The following PRTG variants were observed in gnomAD, a reference collection of about 807,000 sequenced individuals.
PRTG encodes protogenin, also known as immunoglobulin superfamily, DCC subclass, member 5.
Under a neutral mutation model 122.5 loss-of-function variants are expected in PRTG, and 67 were observed. The ratio of observed to expected loss-of-function variants is 0.55; its 90% CI spans 0.45 to 0.67. The LOEUF is 0.67. PRTG is among the 30% of genes least tolerant of loss of function. PRTG has a pLI of 0.00. For synonymous variants in PRTG, 554 were observed against 501.1 expected (o/e 1.11, Z -1.41); for missense variants, 1,435 against 1,415.4 (o/e 1.01, Z -0.22).
intron 11 of PRTG, among the ~76,000 whole-genome samples, chr15:55,652,323 G>A (rs1048490287): frequency 4.6e-5 from 7 of 152,128 alleles, no homozygotes; most frequent in African/African-American, 1.7e-4. Flanking sequence ...GAATAAGTAG[G>A]TAGGAAATGA....
chr15:55,629,897 A>G (rs539954866), intron 15 of PRTG, among the ~76,000 whole-genome samples: 161 of 146,866 alleles, frequency 1.1e-3, no homozygotes, highest in African/African-American at 3.9e-3. Flanking sequence ...GGCTCACTAT[A>G]ACCTCCACCT....
Position 55,626,017 on chromosome 15 carries a change from G to C in PRTG, c.2927+991C>G, listed in dbSNP as rs763485897. On this transcript the variant is annotated intron_variant, in intron 17 of 19. Coordinates refer to ENST00000389286, the MANE Select transcript of PRTG (RefSeq NM_173814.6). ...ATCCTCCCACCTTGACTTCCCAAAG[G>C]TCTGGGATTACCAAGGTGTGATACC... 6.4e-4 allele frequency among the ~76,000 whole-genome samples: 97 copies of C among 152,228 alleles called. No homozygotes were observed. In the Middle Eastern group the frequency reaches 0.014, roughly 21 times the overall value.
chr15:55,635,052 G>A (rs1427854754), intron 15 of PRTG, among the ~76,000 whole-genome samples: 1 of 130,448 alleles, frequency 7.7e-6, no homozygotes, highest in Non-Finnish European at 1.7e-5. Flanking sequence ...CCTGACTGGG[G>A]AGCCCTCTGT....
chr15:55,664,221 A>T (rs1319344089), intron 11 of PRTG, among the ~76,000 whole-genome samples: 3 of 151,816 alleles, frequency 2.0e-5, no homozygotes, highest in Non-Finnish European at 4.4e-5. Flanking sequence ...AGCTTACTGC[A>T]ACCTCCGCCC....
chr15:55,648,650 T>A (rs1450441064), intron 11 of PRTG, among the ~76,000 whole-genome samples: 1 of 152,178 alleles, frequency 6.6e-6, no homozygotes, highest in African/African-American at 2.4e-5. Flanking sequence ...AGTATCTGAG[T>A]ATCTGATGAA....
chr15:55,700,823 G>T (rs2059659427), intron 2 of PRTG, among the ~76,000 whole-genome samples: 1 of 152,084 alleles, frequency 6.6e-6, no homozygotes, highest in Non-Finnish European at 1.5e-5. Flanking sequence ...ATACTGTTAA[G>T]AGAATGAAAG....
At chr15:55,646,299 A>G (rs2059322931) in intron 11 of PRTG, among the ~76,000 whole-genome samples, 1 of 147,892 alleles carries the variant, frequency 6.8e-6, no homozygotes, top group Non-Finnish European at 1.5e-5. Flanking sequence ...GGCATGAGCC[A>G]CTGTGCCCAG....
chr15:55,704,069 T>C (rs1006213017), intron 2 of PRTG, among the ~76,000 whole-genome samples: 1 of 152,242 alleles, frequency 6.6e-6, no homozygotes. Context: ...GTGTGGCTCC[T>C]ATGAATTCAA....
chr15:55,648,482 C>T (rs1188949463), intron 11 of PRTG, among the ~76,000 whole-genome samples: 1 of 152,160 alleles, frequency 6.6e-6, no homozygotes, highest in Non-Finnish European at 1.5e-5. Flanking sequence ...CTAAACACCA[C>T]ACAACAAAAA....
chr15:55,666,453 G>A (rs752757398), intron 11 of PRTG, among the ~76,000 whole-genome samples: 9 of 152,110 alleles, frequency 5.9e-5, no homozygotes, highest in East Asian at 5.8e-4. Context: ...AAATATTTAC[G>A]ATCTGTCCCA....
At chr15:55,653,943 A>G (rs2059366791) in intron 11 of PRTG, among the ~76,000 whole-genome samples, 1 of 152,180 alleles carries the variant, frequency 6.6e-6, no homozygotes, top group African/African-American at 2.4e-5. Flanking sequence ...TTTTAAAAAC[A>G]TTTTTTATTT....
chr15:55,619,967 T>C lies in PRTG; in HGVS notation c.*45A>G. 1 of 1,607,012 alleles carries C rather than the reference T, an allele frequency of 6.2e-7. No individual in the cohort carries two copies. The highest frequency in any genetic ancestry group is 8.5e-7 in the Non-Finnish European group (1 of 1,176,418). On this transcript the variant is annotated 3_prime_UTR_variant, in exon 20 of 20. Transcript: ENST00000389286. Reference sequence around the variant, plus strand: ...AGATGACACAGCAGGGTCTTCACACTTCCTCAATGCGGAATCTCCACCTGA... The same window carrying C: ...AGATGACACAGCAGGGTCTTCACACCTCCTCAATGCGGAATCTCCACCTGA...
At chr15:55,735,955 CTTGACTTATGTAATA>C (rs1443820132) in intron 2 of PRTG, among the ~76,000 whole-genome samples, 3 of 152,150 alleles carry the variant, frequency 2.0e-5, no homozygotes, top group Non-Finnish European at 2.9e-5. Context: ...ACTTCCTTCA[CTTGACTTATGTAATA>C]TTGAGAGCCA....
chr15:55,678,966 G>A (rs971797480), intron 7 of PRTG, among the ~76,000 whole-genome samples: 13 of 152,110 alleles, frequency 8.5e-5, no homozygotes, highest in Non-Finnish European at 1.0e-4. Flanking sequence ...AGACCCCAAG[G>A]AGCTAATATG....
At position 55,620,694 on chromosome 15, in the gene PRTG, A is replaced by G. The variant is rs189224717; in HGVS notation, c.3167T>C (p.Phe1056Ser). The change falls in exon 19 of 20, where the codon TTC becomes TCC. Residue 1056 changes from phenylalanine (F) to serine (S), a missense_variant. Coordinates refer to ENST00000389286, the MANE Select transcript of PRTG (RefSeq NM_173814.6). ...KNNSKKKWFF[F>S]QDSKKIQVEQ... is the part of the protein sequence containing the mutation. Reference sequence around the variant, plus strand: ...AACTTGTATCTTCTTTGAGTCTTGGAAAAAAAACCACTTTTTCTTAGAGTT... The same window carrying G: ...AACTTGTATCTTCTTTGAGTCTTGGGAAAAAAACCACTTTTTCTTAGAGTT... The G allele has an allele frequency of 9.1e-5, 146 of 1,599,906 alleles. No individual in the cohort carries two copies. The highest frequency in any genetic ancestry group is 5.0e-4 in the Middle Eastern group (3 of 5,968).
intron 2 of PRTG, among the ~76,000 whole-genome samples, chr15:55,691,071 G>A (rs150140098): frequency 6.6e-6 from 1 of 152,184 alleles, no homozygotes; most frequent in South Asian, 2.1e-4. Flanking sequence ...ACTTCAGGTG[G>A]ATCACCTGAG....
intron 18 of PRTG, 25 bp from the exon 19 acceptor site, chr15:55,620,792 G>A (rs1055273879): frequency 1.3e-6 from 2 of 1,556,626 alleles, no homozygotes; most frequent in Non-Finnish European, 1.7e-6. Flanking sequence ...GAGGGGAAAT[G>A]TAAAATATCC....
intron 2 of PRTG, among the ~76,000 whole-genome samples, chr15:55,712,965 TGAG>T (rs1287175324): frequency 2.6e-5 from 4 of 152,312 alleles, no homozygotes; most frequent in African/African-American, 9.6e-5. Flanking sequence ...TGCAGAAGAA[TGAG>T]TAGTATAACA....
At chr15:55,734,194 C>G (rs1435080188) in intron 2 of PRTG, among the ~76,000 whole-genome samples, 1 of 152,212 alleles carries the variant, frequency 6.6e-6, no homozygotes, top group African/African-American at 2.4e-5. Flanking sequence ...AGATACCTAA[C>G]TACCACAGGC....
Sources: allele counts gnomAD v4.1 joint callset (sites outside exome capture counted in the v4.1 genomes callset), GRCh38; gene constraint gnomAD v4.1.1; transcripts MANE v1.5; gene names NCBI Gene and HGNC (gene_info 2026-07-23, HGNC 2026-07-21).